CACNA2D3: variants seen among roughly 807,000 people sequenced by gnomAD.
CACNA2D3 encodes voltage-dependent calcium channel subunit alpha-2/delta-3.
A neutral mutation model predicts 160.6 loss-of-function variants in CACNA2D3; 60 were observed. The ratio of observed to expected loss-of-function variants is 0.37; its 90% CI spans 0.30 to 0.46. The LOEUF is 0.46. Among genes scored for constraint, CACNA2D3 ranks in the 20% least tolerant of loss-of-function variants. CACNA2D3 has a pLI of 1.00. For synonymous variants in CACNA2D3, 558 were observed against 492.9 expected (o/e 1.13, Z -1.75); for missense variants, 1,205 against 1,365.0 (o/e 0.88, Z 1.85).
At chr3:54,444,974 C>A (rs1012432685) in intron 4 of CACNA2D3, among the ~76,000 whole-genome samples, 1 of 152,232 alleles carries the variant, frequency 6.6e-6, no homozygotes, top group African/African-American at 2.4e-5. Flanking sequence ...CTCTCCCAAC[C>A]CCCTTAAACA....
chr3:54,648,965 TCC>T (rs929910163), intron 11 of CACNA2D3, among the ~76,000 whole-genome samples: 1 of 152,042 alleles, frequency 6.6e-6, no homozygotes, highest in Non-Finnish European at 1.5e-5. Context: ...CCCAAACACC[TCC>T]CACCAGGTCC....
intron 3 of CACNA2D3, among the ~76,000 whole-genome samples, chr3:54,378,755 G>T (rs939248915): frequency 2.0e-5 from 3 of 152,192 alleles, no homozygotes; most frequent in Non-Finnish European, 4.4e-5. Flanking sequence ...ATCGAAGGTT[G>T]TCTCTTCTTC....
chr3:54,264,360 G>A lies in CACNA2D3; in HGVS notation c.205-56082G>A, dbSNP rs147714903. ...GATGAAAGTTAACCACAGTGTCTGT[G>A]ATTTTTTTCTTTGAAAATCAGGAGA... On this transcript the variant is annotated intron_variant, in intron 2 of 37. Coordinates refer to ENST00000474759, the MANE Select transcript of CACNA2D3 (RefSeq NM_018398.3). 7.8e-3 allele frequency among the ~76,000 whole-genome samples: 1,184 copies of A among 152,262 alleles called. 15 individuals carry two copies. The highest frequency in any genetic ancestry group is 0.027 in the African/African-American group (1,124 of 41,560).
intron 2 of CACNA2D3, among the ~76,000 whole-genome samples, chr3:54,242,337 G>C (rs1394729716): frequency 2.0e-5 from 3 of 152,062 alleles, no homozygotes; most frequent in Admixed American, 6.5e-5. Flanking sequence ...CAGCTACTCG[G>C]GAGGCTGAGG....
chr3:55,067,979 G>A (rs2107229605), intron 35 of CACNA2D3, among the ~76,000 whole-genome samples: 1 of 152,264 alleles, frequency 6.6e-6, no homozygotes, highest in East Asian at 1.9e-4. Flanking sequence ...TGTAACCTGT[G>A]TTATGCACTG....
At chr3:54,229,957 C>T (rs1701739932) in intron 2 of CACNA2D3, among the ~76,000 whole-genome samples, 1 of 152,056 alleles carries the variant, frequency 6.6e-6, no homozygotes, top group African/African-American at 2.4e-5. Flanking sequence ...TTTGCCACTG[C>T]AACATACGAT....
At chr3:54,273,612 A>T (rs1702666847) in intron 2 of CACNA2D3, among the ~76,000 whole-genome samples, 2 of 152,030 alleles carry the variant, frequency 1.3e-5, no homozygotes, top group Admixed American at 1.3e-4. Flanking sequence ...CAGGCAATTT[A>T]CTCTGGCAGC....
rs551076485 is a variant in CACNA2D3 at position 54,806,147 on chromosome 3, C to T, written c.1381-10706C>T. 3.3e-5 allele frequency among the ~76,000 whole-genome samples: 5 copies of T among 152,312 alleles called. No individual in the cohort carries two copies. The East Asian group carries it at 9.6e-4, about 29-fold the overall frequency. On this transcript the variant is annotated intron_variant, in intron 13 of 37. Coordinates refer to ENST00000474759, the MANE Select transcript of CACNA2D3 (RefSeq NM_018398.3). The stretch of plus-strand genomic sequence containing the variant: ...GTTCCCTTTGAAAACTGACACAAGA[C>T]AGAGATGCCCTCTCTCACCACTCCT...
intron 2 of CACNA2D3, among the ~76,000 whole-genome samples, chr3:54,124,025 A>G (rs1392357534): frequency 6.6e-6 from 1 of 152,178 alleles, no homozygotes; most frequent in Non-Finnish European, 1.5e-5. Context: ...AAGACGCTGC[A>G]CTATTGTTTG....
intron 5 of CACNA2D3, among the ~76,000 whole-genome samples, chr3:54,512,430 G>T (rs191342259): frequency 1.1e-3 from 165 of 152,282 alleles, no homozygotes; most frequent in Non-Finnish European, 1.9e-3. Context: ...TGTTAGTATT[G>T]TTATAAGAAT....
chr3:54,507,379 T>A (rs968987471), intron 5 of CACNA2D3, among the ~76,000 whole-genome samples: 1 of 152,336 alleles, frequency 6.6e-6, no homozygotes, highest in South Asian at 2.1e-4. Flanking sequence ...GCTCTAGCAT[T>A]GCTCTGTTCT....
intron 20 of CACNA2D3, 80 bp from the exon 21 acceptor site, chr3:54,880,716 G>C: frequency 8.1e-7 from 1 of 1,238,318 alleles, no homozygotes; most frequent in Non-Finnish European, 1.2e-6. Flanking sequence ...GTGAAAAATG[G>C]AAAATTAAAA....
At chr3:54,469,046 C>A (rs1700682504) in intron 4 of CACNA2D3, among the ~76,000 whole-genome samples, 1 of 152,202 alleles carries the variant, frequency 6.6e-6, no homozygotes, top group South Asian at 2.1e-4. Flanking sequence ...AAGAGAACAG[C>A]CCATCTCCCA....
At chr3:54,426,823 G>A (rs1699918196) in intron 4 of CACNA2D3, among the ~76,000 whole-genome samples, 1 of 152,090 alleles carries the variant, frequency 6.6e-6, no homozygotes, top group Admixed American at 6.5e-5. Context: ...ACCACAGTTG[G>A]TGGTGATGTC....
At chr3:54,238,250 G>A (rs1701918296) in intron 2 of CACNA2D3, among the ~76,000 whole-genome samples, 1 of 152,172 alleles carries the variant, frequency 6.6e-6, no homozygotes, top group South Asian at 2.1e-4. Context: ...GAGCCTCTGT[G>A]GAACCTTGGG....
intron 9 of CACNA2D3, among the ~76,000 whole-genome samples, chr3:54,606,153 T>C (rs1698614685): frequency 6.6e-6 from 1 of 152,078 alleles, no homozygotes; most frequent in Non-Finnish European, 1.5e-5. Context: ...TTTATATATA[T>C]ATATATATTT....
At chr3:54,994,632 TACTA>T (rs1575426805) in intron 31 of CACNA2D3, among the ~76,000 whole-genome samples, 1 of 152,340 alleles carries the variant, frequency 6.6e-6, no homozygotes, top group African/African-American at 2.4e-5. Flanking sequence ...ACTTATTAAA[TACTA>T]ACTATAGGCA....
intron 13 of CACNA2D3, among the ~76,000 whole-genome samples, chr3:54,776,341 C>A (rs964098887): frequency 6.6e-6 from 1 of 152,020 alleles, no homozygotes; most frequent in Non-Finnish European, 1.5e-5. Flanking sequence ...GACCCCCTGT[C>A]GCTACAAAAA....
In CACNA2D3 at chr3:54,724,674, G is replaced by A. The variant is rs189435689; in HGVS notation, c.1168-27925G>A. Among the ~76,000 whole-genome samples, 604 of 152,162 alleles carry A rather than the reference G, an allele frequency of 4.0e-3. 3 individuals carry two copies. Among genetic ancestry groups the A allele is most frequent in the Non-Finnish European group, 5.9e-3 (404 of 67,996 alleles). Reference sequence around the variant, plus strand: ...ACAGCCTGCTCCTGAATGACTACTGGGTAAATAAGGAAATGAAGGCAGAAA... The same window carrying A: ...ACAGCCTGCTCCTGAATGACTACTGAGTAAATAAGGAAATGAAGGCAGAAA... On this transcript the variant is annotated intron_variant, in intron 11 of 37. Transcript: ENST00000474759.
Sources: allele counts gnomAD v4.1 joint callset (sites outside exome capture counted in the v4.1 genomes callset), GRCh38; gene constraint gnomAD v4.1.1; transcripts MANE v1.5; gene names NCBI Gene and HGNC (gene_info 2026-07-23, HGNC 2026-07-21).